Variants in PDXDC1 observed in about 807,000 individuals in gnomAD.
PDXDC1 encodes pyridoxal dependent decarboxylase domain containing 1.
A neutral mutation model predicts 100.1 loss-of-function variants in PDXDC1; 42 were observed. The ratio of observed to expected loss-of-function variants is 0.42; its 90% CI spans 0.33 to 0.54. PDXDC1 has a LOEUF of 0.54. Ranked by LOEUF, PDXDC1 falls within the 20% of genes least tolerant of loss-of-function variation. The probability of loss-of-function intolerance (pLI) is 0.10; values close to 1 mark genes in which losing one functional copy is unlikely to be tolerated. For synonymous variants in PDXDC1, 260 were observed against 371.7 expected (o/e 0.70, Z 3.46); for missense variants, 636 against 979.2 (o/e 0.65, Z 4.68).
chr16:15,093,098 G>C (rs1466932184), intron 16 of PDXDC1, among the ~76,000 whole-genome samples: 2 of 151,924 alleles, frequency 1.3e-5, no homozygotes, highest in African/African-American at 4.8e-5. Flanking sequence ...TCCATCTCCC[G>C]GGTTCAAGCA....
In PDXDC1 at chr16:15,131,358, G is replaced by A. The variant is rs774377824; in HGVS notation, c.1400-7521G>A. The A allele has an allele frequency of 6.6e-5, 104 of 1,575,518 alleles. No individual in the cohort carries two copies. The East Asian group carries it at 2.0e-3, about 31-fold the overall frequency. On this transcript the variant is annotated intron_variant, in intron 16 of 16. Coordinates refer to the PDXDC1 transcript ENST00000535621. ...TGGAGACGGTGTAGTTGCTGATATA[G>A]CCAAAGGGAAAGGGATTGGAGTCCA...
chr16:15,039,948 C>A (rs1237719067), downstream of PDXDC1: 6 of 1,409,944 alleles, frequency 4.3e-6, no homozygotes, highest in Admixed American at 1.9e-5. Context: ...AACCCCTTAA[C>A]AAAGATGATT....
intron 16 of PDXDC1, among the ~76,000 whole-genome samples, chr16:15,101,509 G>A (rs935728522): frequency 1.6e-4 from 25 of 151,734 alleles, no homozygotes; most frequent in African/African-American, 5.8e-4. Flanking sequence ...GGTTAGTAGA[G>A]ATTTGTTTAA....
At chr16:15,143,683 G>A (rs990527673), downstream of PDXDC1, among the ~76,000 whole-genome samples, 3 of 152,208 alleles carry the variant, frequency 2.0e-5, no homozygotes, top group Non-Finnish European at 4.4e-5. Context: ...CCGGGGTCGG[G>A]GCGTGCAACA....
At chr16:15,148,428 G>T in the PDXDC1 span, among the ~76,000 whole-genome samples, 3 of 115,166 alleles carry the variant, frequency 2.6e-5, no homozygotes, top group African/African-American at 3.4e-5. Flanking sequence ...CTGTGACCCA[G>T]CCTGGAGTGC....
At chr16:15,091,209 C>A (rs1427767670) in intron 16 of PDXDC1, 1 of 1,396,848 alleles carries the variant, frequency 7.2e-7, no homozygotes, top group Non-Finnish European at 9.9e-7. Flanking sequence ...TAAGGGAGGA[C>A]CATGGAGAGA....
rs755984519 is a variant in PDXDC1 at position 15,128,344 on chromosome 16, C to T, written c.1400-10535C>T. ...GCCATCCAGGTGCCGGTGGCCGCTCCGGCTGTCCACCCCATACAGCATGAT... is the reference window on the plus strand; with the variant it reads ...GCCATCCAGGTGCCGGTGGCCGCTCTGGCTGTCCACCCCATACAGCATGAT... On this transcript the variant is annotated intron_variant, in intron 16 of 16. Transcript: ENST00000535621. 2.4e-5 allele frequency: 38 copies of T among 1,607,514 alleles called. 1 individual carries two copies. In the Admixed American group the frequency reaches 3.0e-4, roughly 13 times the overall value.
rs754249924 is a variant in PDXDC1, at chr16:15,028,985, C to T, written c.1293+19C>T. On this transcript the variant is annotated intron_variant, in intron 15 of 22. Transcript: ENST00000396410. ...TCGCTGGGTGAGAATGGCAGTCACC[C>T]CCCTTTCCTTTCAGGTCCCCGTCCA... 1 of 1,609,226 alleles carries T rather than the reference C, an allele frequency of 6.2e-7. No individual in the cohort carries two copies. Among genetic ancestry groups the T allele is most frequent in the Non-Finnish European group, 8.5e-7 (1 of 1,179,074 alleles).
intron 16 of PDXDC1, chr16:15,104,677 T>A (rs1461586550): frequency 4.4e-6 from 7 of 1,597,674 alleles, no homozygotes; most frequent in Non-Finnish European, 5.9e-6. Context: ...TGGCCCATCC[T>A]GTTTTTTAAA....
At chr16:15,132,391 T>A (rs1459330100) in intron 16 of PDXDC1, among the ~76,000 whole-genome samples, 8 of 11,418 alleles carry the variant, frequency 7.0e-4, no homozygotes, top group Admixed American at 1.0e-3. Flanking sequence ...AGGGGAGGGG[T>A]TAGGGGAGGG....
rs1567639248 is a variant in PDXDC1 at position 14,997,729 on chromosome 16, T to A, written c.22-24T>A. The A allele has an allele frequency of 1.9e-6, 3 of 1,569,232 alleles. No homozygotes were observed. In the East Asian group the frequency reaches 6.9e-5, roughly 36 times the overall value. On this transcript the variant is annotated intron_variant, in intron 1 of 22. Transcript: ENST00000396410. ...GGTAATAGAGGATTATTAAAATTTC[T>A]TTCTTTTTTTTTTTGTTTCCCAGAT...
chr16:15,092,600 C>T lies in PDXDC1; in HGVS notation c.1400-46279C>T, dbSNP rs776236231. On this transcript the variant is annotated intron_variant, in intron 16 of 16. Coordinates refer to the PDXDC1 transcript ENST00000535621. ...ATTGAAAAAGTCATTCTCTAATGCACGCATATTTGAAATCCTGTGGAACCA... is the reference window on the plus strand; with the variant it reads ...ATTGAAAAAGTCATTCTCTAATGCATGCATATTTGAAATCCTGTGGAACCA... 2.6e-5 allele frequency: 42 copies of T among 1,608,858 alleles called. No individual in the cohort carries two copies. In the Admixed American group the frequency reaches 5.0e-4, roughly 19 times the overall value.
chr16:15,038,337 GC>G, downstream of PDXDC1: 1 of 697,250 alleles, frequency 1.4e-6, no homozygotes, highest in Non-Finnish European at 2.3e-6. Flanking sequence ...AAATGAGGTG[GC>G]CTGAATTAGT....
chr16:15,133,462 G>A (rs1170944071), intron 16 of PDXDC1: 11 of 882,144 alleles, frequency 1.2e-5, no homozygotes, highest in Non-Finnish European at 1.6e-5. Flanking sequence ...TGGCAGTCTC[G>A]GGGGCGCCCT....
At chr16:15,003,485 G>C (rs550705295) in intron 4 of PDXDC1, among the ~76,000 whole-genome samples, 1 of 152,298 alleles carries the variant, frequency 6.6e-6, no homozygotes, top group African/African-American at 2.4e-5. Flanking sequence ...CAAAGTGCTG[G>C]GATTACAGGC....
chr16:15,109,095 G>A (rs1324457135), intron 16 of PDXDC1: 1 of 143,084 alleles, frequency 7.0e-6, no homozygotes. Flanking sequence ...AAGATAACAT[G>A]CTACTAGGCC....
rs2047500966 is a variant in PDXDC1 at position 15,122,859 on chromosome 16, G to GGAGGGGAAGGT, written c.1400-16019_1400-16018insAGGGGAAGGTG. On this transcript the variant is annotated intron_variant, in intron 16 of 16. Transcript: ENST00000535621. Reference sequence around the variant, plus strand: ...AGGGGAGGGGAAGGGGAGGGGAAGGGGGGAGTAAGGGAAGGGAAAGGAGAA... The same window carrying GGAGGGGAAGGT: ...AGGGGAGGGGAAGGGGAGGGGAAGGGGAGGGGAAGGTGGGAGTAAGGGAAGGGAAAGGAGAA... Among the ~76,000 whole-genome samples the GGAGGGGAAGGT allele has an allele frequency of 3.0e-5, 4 of 132,708 alleles. No individual in the cohort carries two copies. The Admixed American group carries it at 3.0e-4, about 10-fold the overall frequency. The allele number at this position is 132,708 out of a possible 152,430, so 87.1% of individuals were successfully genotyped here. A position where few individuals can be genotyped will look rare whatever the true frequency, so the allele number is the denominator to read the frequency against.
chr16:15,040,012 G>A (rs761945424), downstream of PDXDC1: 84 of 1,611,662 alleles, frequency 5.2e-5, no homozygotes, highest in Non-Finnish European at 6.5e-5. Context: ...CTGCTCCTCC[G>A]GACCCCGATC....
chr16:15,111,454 C>T (rs1329807456), intron 16 of PDXDC1, among the ~76,000 whole-genome samples: 1 of 59,586 alleles, frequency 1.7e-5, no homozygotes, highest in African/African-American at 4.6e-5. Flanking sequence ...CAAACTCTGT[C>T]TCAAAAAAAA....
Sources: gnomAD v4.1 joint callset for allele counts (sites outside exome capture counted in the v4.1 genomes callset) on GRCh38, gnomAD v4.1.1 for gene constraint, MANE v1.5 for transcripts, NCBI Gene and HGNC (gene_info 2026-07-23, HGNC 2026-07-21) for gene names.